ZC3H7A: variants seen among roughly 807,000 people sequenced by gnomAD.
ZC3H7A encodes the protein zinc finger CCCH-type containing 7A.
Under a neutral mutation model 125.5 loss-of-function variants are expected in ZC3H7A, and 44 were observed. That is an observed-to-expected ratio of 0.35 (90% CI 0.28 to 0.45). The LOEUF (loss-of-function observed/expected upper bound fraction) is 0.45. Among genes scored for constraint, ZC3H7A ranks in the 20% least tolerant of loss-of-function variants. The pLI is 1.00. For synonymous variants in ZC3H7A, 399 were observed against 391.2 expected, an observed-to-expected ratio of 1.02 and a Z score of -0.23; for missense variants, 977 against 1,170.7, an observed-to-expected ratio of 0.83 and a Z score of 2.41.
At position 11,797,207 on chromosome 16, in the gene ZC3H7A, C is replaced by G. The variant is rs2053457626; in HGVS notation, c.-118G>C. On this transcript the variant is annotated 5_prime_UTR_variant, in exon 1 of 23. Coordinates refer to ENST00000355758, the MANE Select transcript of ZC3H7A (RefSeq NM_014153.4). ...CGGGCAGCGGTGGCGGCGGCGGCGG[C>G]GGGGCCTGGGTGCTCGCTCGCAGCT... The G allele has an allele frequency of 4.5e-5, 7 of 154,784 alleles. No individual in the cohort carries two copies. The highest frequency in any genetic ancestry group is 1.7e-4 in the South Asian group (1 of 5,728). 9.6% of individuals were successfully genotyped at this position (154,784 alleles called of 1,614,324 possible). A position where few individuals can be genotyped will look rare whatever the true frequency, so the allele number is the denominator to read the frequency against.
chr16:11,777,279 T>TA (rs1439925553), intron 4 of ZC3H7A, among the ~76,000 whole-genome samples: 1 of 152,144 alleles, frequency 6.6e-6, no homozygotes, highest in Non-Finnish European at 1.5e-5. Flanking sequence ...AACAGAAACG[T>TA]AACTCCAAAC....
At chr16:11,770,485 C>A (rs188724523) in intron 10 of ZC3H7A, among the ~76,000 whole-genome samples, 1 of 152,160 alleles carries the variant, frequency 6.6e-6, no homozygotes, top group African/African-American at 2.4e-5. Flanking sequence ...TACACCTTTA[C>A]GGGAGAATAC....
intron 1 of ZC3H7A, among the ~76,000 whole-genome samples, chr16:11,794,560 A>C (rs965666950): frequency 3.3e-5 from 5 of 152,262 alleles, no homozygotes; most frequent in Non-Finnish European, 7.4e-5. Flanking sequence ...ACAAAACAAA[A>C]CAGAACACTT....
At chr16:11,780,578 G>A (rs956025333) in intron 3 of ZC3H7A, among the ~76,000 whole-genome samples, 6 of 152,132 alleles carry the variant, frequency 3.9e-5, no homozygotes, top group Non-Finnish European at 5.9e-5. Context: ...AACAAAACTC[G>A]TGACATGCCA....
At chr16:11,783,989 G>C (rs552978716) in intron 1 of ZC3H7A, among the ~76,000 whole-genome samples, 2 of 136,650 alleles carry the variant, frequency 1.5e-5, no homozygotes, top group South Asian at 2.2e-4. Flanking sequence ...AAAAGGGGGG[G>C]GCTGTGAGGT....
In ZC3H7A at chr16:11,774,510, G is replaced by C. The variant is rs201365069; in HGVS notation, c.629C>G (p.Thr210Ser). 7.0e-5 allele frequency: 108 copies of C among 1,537,794 alleles called. No homozygotes were observed. The East Asian group carries it at 2.3e-3, about 33-fold the overall frequency. Reference sequence around the variant, plus strand: ...AACAGGAACTGCTTCTTGCCTTGGAGTTAATAAATCTGTAACACAGATGGA... The same window carrying C: ...AACAGGAACTGCTTCTTGCCTTGGACTTAATAAATCTGTAACACAGATGGA... ...SVEDIEPDLL[T>S]PRQEAVPVVS... The change falls in exon 9 of 23, where the codon ACT becomes AGT. Residue 210 changes from threonine to serine, a missense_variant. Thr to Ser is a moderately conservative substitution (Grantham distance 58). This residue lies in a region of ZC3H7A where 199 missense variants were observed against 256.1 expected (regional missense o/e 0.78). Coordinates refer to ENST00000355758, the MANE Select transcript of ZC3H7A (RefSeq NM_014153.4).
chr16:11,784,418 G>T (rs985136403), intron 1 of ZC3H7A, among the ~76,000 whole-genome samples: 2 of 152,012 alleles, frequency 1.3e-5, no homozygotes, highest in Admixed American at 6.6e-5. Flanking sequence ...AAAAGAAAAA[G>T]ATTTTTTAAA....
intron 1 of ZC3H7A, among the ~76,000 whole-genome samples, chr16:11,795,059 T>C (rs2053414678): frequency 6.6e-6 from 1 of 152,168 alleles, no homozygotes; most frequent in South Asian, 2.1e-4. Flanking sequence ...ATATTGAGCC[T>C]CAACAACTCA....
At chr16:11,776,719 CG>C in intron 5 of ZC3H7A, 31 bp downstream of exon 5, 1 of 1,569,778 alleles carries the variant, frequency 6.4e-7, no homozygotes, top group Non-Finnish European at 8.6e-7. Flanking sequence ...TAAATGGTTA[CG>C]ATGTAAACAA....
At chr16:11,752,951 G>C in intron 21 of ZC3H7A, 119 bp from the exon 22 acceptor site, 1 of 1,324,622 alleles carries the variant, frequency 7.5e-7, no homozygotes, top group South Asian at 1.4e-5. Flanking sequence ...GTTAGAAATA[G>C]GGACAAGGAA....
intron 21 of ZC3H7A, among the ~76,000 whole-genome samples, chr16:11,754,747 C>T (rs2052611222): frequency 6.6e-6 from 1 of 151,204 alleles, no homozygotes; most frequent in Non-Finnish European, 1.5e-5. Context: ...CAAAAATTAG[C>T]CGTGCGTGGT....
chr16:11,751,511 AAGG>A lies in ZC3H7A; in HGVS notation c.2727-8_2727-6del, dbSNP rs1480042908. The A allele has an allele frequency of 8.1e-6, 13 of 1,610,730 alleles. No individual in the cohort carries two copies. The South Asian group carries it at 1.3e-4, about 17-fold the overall frequency. On this transcript the variant is annotated splice_region_variant and splice_polypyrimidine_tract_variant and intron_variant, in intron 22 of 22. Coordinates refer to ENST00000355758, the MANE Select transcript of ZC3H7A (RefSeq NM_014153.4). ...GGGCAGGTGCCATTCATATACCTGT[AAGG>A]AGAAGTCAGCTGCTCAGTGTCCATA...
At chr16:11,780,309 C>G (rs766969465) in intron 3 of ZC3H7A, among the ~76,000 whole-genome samples, 1 of 151,816 alleles carries the variant, frequency 6.6e-6, no homozygotes, top group Non-Finnish European at 1.5e-5. Context: ...TTAGTAGAGA[C>G]AGGGTTTCGC....
At chr16:11,771,728 T>A (rs188907684) in intron 9 of ZC3H7A, among the ~76,000 whole-genome samples, 1 of 152,182 alleles carries the variant, frequency 6.6e-6, no homozygotes, top group African/African-American at 2.4e-5. Context: ...CTCAAACTCC[T>A]GACCTGAAGT....
At chr16:11,761,176 ACTAT>A (rs1248749012) in intron 19 of ZC3H7A, among the ~76,000 whole-genome samples, 3 of 152,194 alleles carry the variant, frequency 2.0e-5, no homozygotes, top group Non-Finnish European at 4.4e-5. Flanking sequence ...CCTCAGATCC[ACTAT>A]CTATTTACTT....
intron 16 of ZC3H7A, chr16:11,763,238 G>A (rs2052782769): frequency 3.2e-6 from 1 of 314,938 alleles, no homozygotes; most frequent in African/African-American, 2.2e-5. Context: ...CTCCCAAGTA[G>A]CTGGTATTAC....
At chr16:11,761,343 A>G in intron 19 of ZC3H7A, 63 bp downstream of exon 19, 2 of 1,418,956 alleles carry the variant, frequency 1.4e-6, no homozygotes, top group Non-Finnish European at 2.0e-6. Context: ...CTGAATTACT[A>G]CTATTTTCTA....
intron 15 of ZC3H7A, 79 bp downstream of exon 15, chr16:11,764,974 G>C: frequency 1.0e-6 from 1 of 956,170 alleles, no homozygotes; most frequent in African/African-American, 1.7e-5. Context: ...TGCCTGGACA[G>C]ACATTACTAC....
Position 11,761,950 on chromosome 16 carries a change from C to T in ZC3H7A, c.2173G>A (p.Asp725Asn). 6.2e-7 allele frequency: 1 copy of T among 1,613,440 alleles called. No homozygotes were observed. The highest frequency in any genetic ancestry group is 8.5e-7 in the Non-Finnish European group (1 of 1,179,878). The change falls in exon 18 of 23, where the codon GAC becomes AAC. Residue 725 changes from aspartate to asparagine, a missense_variant. By Grantham distance (23) the Asp-to-Asn change is conservative. Around this residue, in one of 3 missense-constraint regions of ZC3H7A, gnomAD observed 436 missense variants for 603.2 expected, o/e 0.72. Coordinates refer to ENST00000355758, the MANE Select transcript of ZC3H7A (RefSeq NM_014153.4). ...GCACTACAATATTTTCTGTTTTTGT[C>T]TGGTTCAATGACTTGACCGTTTCTC... ...CLRNGQVIEP[D>N]KNRKYCSAKA...
Sources: gnomAD v4.1 joint callset for allele counts (sites outside exome capture counted in the v4.1 genomes callset) on GRCh38, gnomAD v4.1.1 for gene constraint, gnomAD v4.1.1 regional missense constraint, MANE v1.5 for transcripts, NCBI Gene and HGNC (gene_info 2026-07-23, HGNC 2026-07-21) for gene names.